Variants in SP100 observed in about 807,000 individuals in gnomAD.
SP100 encodes the protein nuclear autoantigen Sp-100.
A neutral mutation model predicts 130.0 loss-of-function variants in SP100; 84 were observed. The ratio of observed to expected loss-of-function variants is 0.65; its 90% confidence interval spans 0.54 to 0.77. The LOEUF is 0.77. SP100 is among the 30% of genes least tolerant of loss of function. SP100 has a pLI of 0.00. For synonymous variants in SP100, 331 were observed against 351.7 expected, an observed-to-expected ratio of 0.94 and a Z score of 0.66; for missense variants, 978 against 1,052.2, an observed-to-expected ratio of 0.93 and a Z score of 0.97.
chr2:230,427,847 T>G (rs975824305), intron 2 of SP100, among the ~76,000 whole-genome samples: 1 of 152,204 alleles, frequency 6.6e-6, no homozygotes, highest in Non-Finnish European at 1.5e-5. Context: ...TCCCTCACAT[T>G]TCAGTCAATT....
At chr2:230,475,425 T>C (rs567865546) in intron 17 of SP100, among the ~76,000 whole-genome samples, 1 of 152,244 alleles carries the variant, frequency 6.6e-6, no homozygotes, top group Non-Finnish European at 1.5e-5. Context: ...TCCTTGTAGA[T>C]TCTGGATATC....
intron 17 of SP100, among the ~76,000 whole-genome samples, chr2:230,477,632 C>G (rs112635971): frequency 0.025 from 3,812 of 152,174 alleles, 177 homozygotes; most frequent in African/African-American, 0.088. Flanking sequence ...CTATGTTCTT[C>G]TTTTGTAATT....
rs528221019 is a variant in SP100 at position 230,446,799 on chromosome 2, T to A, written c.440-20T>A. 1.3e-6 allele frequency: 2 copies of A among 1,507,978 alleles called. No individual in the cohort carries two copies. Among genetic ancestry groups the A allele is most frequent in the East Asian group, 4.5e-5 (2 of 44,176 alleles). 93.4% of individuals were successfully genotyped at this position (1,507,978 alleles called of 1,614,324 possible). ...GTCCCTGTAGATCTCTAATTGCTTC[T>A]TCTCTCTCCCACTCTTCAGTAATCC... is the stretch of plus-strand genomic sequence containing the variant. On this transcript the variant is annotated intron_variant, in intron 4 of 28. Transcript: ENST00000340126.
chr2:230,534,161 A>C (rs1347747722), intron 24 of SP100, among the ~76,000 whole-genome samples: 2 of 152,166 alleles, frequency 1.3e-5, no homozygotes, highest in Non-Finnish European at 2.9e-5. Context: ...TAATCCCAGC[A>C]CTTTGGGAGG....
chr2:230,463,615 T>C (rs537935913), intron 10 of SP100: 1 of 153,404 alleles, frequency 6.5e-6, no homozygotes, highest in East Asian at 1.9e-4. Context: ...GTGTAAGCAA[T>C]CTGCTGTAAA....
At position 230,541,980 on chromosome 2, in the gene SP100, A is replaced by G; in HGVS notation, c.2492A>G (p.Glu831Gly). Residue 831 changes from glutamate (E) to glycine (G), a missense_variant, in exon 28 of 29, where the codon GAA becomes GGA. Glu to Gly is a moderately conservative substitution (Grantham distance 98). Coordinates refer to ENST00000340126, the MANE Select transcript of SP100 (RefSeq NM_001080391.2). ...SLNEQMYTRV[E>G]GFVQDMRLIF... ...AATGAGCAGATGTACACCCGAGTAG[A>G]AGGGTTTGTGCAGGACATGCGTCTC... The G allele has an allele frequency of 6.2e-7, 1 of 1,614,112 alleles. No homozygotes were observed. The highest frequency in any genetic ancestry group is 8.5e-7 in the Non-Finnish European group (1 of 1,179,946).
chr2:230,486,694 G>A (rs1263988831), intron 17 of SP100, among the ~76,000 whole-genome samples: 2 of 152,254 alleles, frequency 1.3e-5, no homozygotes, highest in African/African-American at 2.4e-5. Context: ...TATATACCCA[G>A]TAATGGGATT....
chr2:230,463,471 A>G (rs1249560755), intron 10 of SP100: 1 of 152,252 alleles, frequency 6.6e-6, no homozygotes, highest in African/African-American at 2.4e-5. Flanking sequence ...CCTAAGAGCA[A>G]AGAAGAACCT....
At chr2:230,504,547 CCT>C (rs2067214373) in intron 21 of SP100, among the ~76,000 whole-genome samples, 1 of 152,164 alleles carries the variant, frequency 6.6e-6, no homozygotes, top group South Asian at 2.1e-4. Flanking sequence ...TTCCAGGAGT[CCT>C]CTCCCAGTGG....
intron 2 of SP100, among the ~76,000 whole-genome samples, chr2:230,439,427 T>G (rs1243396105): frequency 6.6e-6 from 1 of 152,208 alleles, no homozygotes; most frequent in African/African-American, 2.4e-5. Context: ...TACCCATCCA[T>G]GAGCATGGAA....
intron 23 of SP100, chr2:230,510,299 T>C (rs1690476691): frequency 6.6e-6 from 1 of 152,370 alleles, no homozygotes; most frequent in South Asian, 2.1e-4. Flanking sequence ...GTACTGGGGA[T>C]CTTGGAGGCA....
At chr2:230,523,297 G>A (rs1287893547) in intron 24 of SP100, among the ~76,000 whole-genome samples, 1 of 152,234 alleles carries the variant, frequency 6.6e-6, no homozygotes, top group African/African-American at 2.4e-5. Flanking sequence ...TTGTTTGTGT[G>A]TATACACGTT....
At chr2:230,450,409 T>C (rs1043622754) in intron 8 of SP100, among the ~76,000 whole-genome samples, 154 bp downstream of exon 8, 4 of 152,224 alleles carry the variant, frequency 2.6e-5, no homozygotes, top group African/African-American at 9.7e-5. Flanking sequence ...CATGTTGTTT[T>C]GAAATATGTA....
chr2:230,477,270 T>C (rs1359429623), intron 17 of SP100, among the ~76,000 whole-genome samples: 5 of 152,172 alleles, frequency 3.3e-5, no homozygotes, highest in Non-Finnish European at 7.3e-5. Flanking sequence ...GCTAGTATTT[T>C]GTCCATTTGT....
chr2:230,489,691 C>A (rs945683913), intron 17 of SP100, among the ~76,000 whole-genome samples: 1 of 152,102 alleles, frequency 6.6e-6, no homozygotes, highest in Non-Finnish European at 1.5e-5. Flanking sequence ...TTAGCTGTGT[C>A]CCAGAGATTT....
chr2:230,532,159 T>C (rs1691729122), intron 24 of SP100, among the ~76,000 whole-genome samples: 1 of 152,122 alleles, frequency 6.6e-6, no homozygotes, highest in South Asian at 2.1e-4. Flanking sequence ...CACTTAAAAT[T>C]TGATGGTTTT....
Position 230,519,595 on chromosome 2 carries a change from G to A in SP100, c.2094+8429G>A, listed in dbSNP as rs1169805986. Among the ~76,000 whole-genome samples, 7 of 152,172 alleles carry A rather than the reference G, an allele frequency of 4.6e-5. No individual in the cohort carries two copies. In the South Asian group the frequency reaches 1.0e-3, roughly 22 times the overall value. On this transcript the variant is annotated intron_variant, in intron 24 of 28. Transcript: ENST00000340126. Reference sequence around the variant, plus strand: ...AGTTAAGGAAGAATATGAAGGCATAGGGGTAGAAGGAGGAGAAGAAATTGG... The same window carrying A: ...AGTTAAGGAAGAATATGAAGGCATAAGGGTAGAAGGAGGAGAAGAAATTGG...
chr2:230,507,978 T>C lies in SP100; in HGVS notation c.2014-15T>C. 1 of 1,612,398 alleles carries C rather than the reference T, an allele frequency of 6.2e-7. No individual in the cohort carries two copies. Among genetic ancestry groups the C allele is most frequent in the African/African-American group, 1.3e-5 (1 of 74,970 alleles). ...GCAAGAACCCATCAAATCATTTATC[T>C]CTTTTCTTTTTTAGAACAAATTTCT... is the stretch of plus-strand genomic sequence containing the variant. On this transcript the variant is annotated splice_polypyrimidine_tract_variant and intron_variant, in intron 22 of 28. Transcript: ENST00000340126.
intron 2 of SP100, chr2:230,440,610 T>G (rs2063439144): frequency 1.5e-6 from 2 of 1,340,268 alleles, no homozygotes; most frequent in African/African-American, 1.5e-5. Flanking sequence ...TCAATGTTGT[T>G]GTCATCTCCC....
Sources: gnomAD v4.1 joint callset for allele counts (sites outside exome capture counted in the v4.1 genomes callset) on GRCh38, gnomAD v4.1.1 for gene constraint, MANE v1.5 for transcripts, NCBI Gene and HGNC (gene_info 2026-07-23, HGNC 2026-07-21) for gene names.